Variants in RANBP2 observed in about 807,000 individuals in gnomAD.
The protein encoded by RANBP2 is RAN binding protein 2, also known as E3 SUMO-protein ligase RanBP2.
In RANBP2, 57 loss-of-function variants were observed where a neutral mutation model predicts 303.6. The ratio of observed to expected loss-of-function variants is 0.19; its 90% CI spans 0.15 to 0.23. The LOEUF (loss-of-function observed/expected upper bound fraction) is 0.23, where lower values mean the gene tolerates loss of function less well. Ranked by LOEUF, RANBP2 falls within the 10% of genes least tolerant of loss-of-function variation. RANBP2 has a pLI of 1.00. For missense variants in RANBP2, 3,138 were observed against 3,780.8 expected (o/e 0.83, Z 4.46); for synonymous variants, 1,167 against 1,301.5 (o/e 0.90, Z 2.23).
the RANBP2 span, among the ~76,000 whole-genome samples, chr2:109,703,853 T>C: frequency 6.6e-6 from 1 of 152,234 alleles, no homozygotes; most frequent in Non-Finnish European, 1.5e-5. Flanking sequence ...ACGTCCTCCC[T>C]CTGCCCAAAA....
chr2:109,438,532 T>TAC, the RANBP2 span, among the ~76,000 whole-genome samples: 2 of 152,214 alleles, frequency 1.3e-5, no homozygotes, highest in Non-Finnish European at 2.9e-5. Flanking sequence ...CCATCTCAGA[T>TAC]TCTGTAAGTC....
Position 108,753,853 on chromosome 2 carries a change from A to G in RANBP2, c.2084A>G (p.Glu695Gly), listed in dbSNP as rs148298842. ...LIFHRKAEDI[E>G]NDALSPEEQE... ...TTTCACAGGAAGGCAGAAGACATTG[A>G]AAATGATGCCCTTTCTCCTGAAGAA... Residue 695 changes from glutamate to glycine, a missense_variant, in exon 15 of 29, where the codon GAA becomes GGA. Physicochemically the swap from Glu to Gly is moderately conservative, Grantham distance 98. This residue lies in a region of RANBP2 where 194 missense variants were observed against 197.4 expected (regional missense o/e 0.98). Transcript: ENST00000283195. 2 of 1,612,032 alleles carry G rather than the reference A, an allele frequency of 1.2e-6. No individual in the cohort carries two copies. Among genetic ancestry groups the G allele is most frequent in the South Asian group, 1.1e-5 (1 of 90,992 alleles).
chr2:108,943,923 A>G, the RANBP2 span, among the ~76,000 whole-genome samples: 2 of 152,330 alleles, frequency 1.3e-5, no homozygotes, highest in East Asian at 3.9e-4. Flanking sequence ...CGTTGCTTCC[A>G]AAACAGGGAG....
At chr2:109,725,341 A>C in the RANBP2 span, among the ~76,000 whole-genome samples, 16 of 152,294 alleles carry the variant, frequency 1.1e-4, no homozygotes, top group East Asian at 3.1e-3. Flanking sequence ...TGATGCCAGA[A>C]AGTGGAGGGG....
the RANBP2 span, chr2:109,129,146 C>A: frequency 2.5e-6 from 1 of 398,174 alleles, no homozygotes; most frequent in Non-Finnish European, 4.8e-6. Flanking sequence ...GGGGACCTGG[C>A]CGGCCGCTGC....
the RANBP2 span, among the ~76,000 whole-genome samples, chr2:109,347,331 C>T: frequency 2.0e-5 from 3 of 152,122 alleles, no homozygotes; most frequent in Admixed American, 2.0e-4. Context: ...AGTCACCTTC[C>T]CTCTCTGTGC....
the RANBP2 span, chr2:109,502,203 CGGAAGGGGCA>C: frequency 1.3e-5 from 2 of 149,462 alleles, no homozygotes; most frequent in African/African-American, 4.9e-5. Context: ...GGGGGTGCCC[CGGAAGGGGCA>C]CCCCACCGCC....
the RANBP2 span, chr2:109,544,205 T>C: frequency 2.5e-6 from 4 of 1,607,390 alleles, no homozygotes; most frequent in Non-Finnish European, 2.5e-6. Flanking sequence ...TCACCAAATA[T>C]AGAAGTGATA....
chr2:109,384,307 T>C, the RANBP2 span, among the ~76,000 whole-genome samples: 1 of 152,046 alleles, frequency 6.6e-6, no homozygotes, highest in African/African-American at 2.4e-5. Flanking sequence ...GGGATTCTAC[T>C]CTCCGTGGAG....
chr2:109,252,566 C>T, the RANBP2 span, among the ~76,000 whole-genome samples: 13 of 152,122 alleles, frequency 8.5e-5, no homozygotes, highest in Non-Finnish European at 1.9e-4. Context: ...TTCAGGCAAA[C>T]TAGAATGACA....
At chr2:108,862,992 C>CT in the RANBP2 span, among the ~76,000 whole-genome samples, 1 of 152,092 alleles carries the variant, frequency 6.6e-6, no homozygotes, top group Non-Finnish European at 1.5e-5. Flanking sequence ...AAACTTTGGA[C>CT]TATACTCCAG....
At chr2:109,011,359 C>G in the RANBP2 span, among the ~76,000 whole-genome samples, 3 of 152,130 alleles carry the variant, frequency 2.0e-5, no homozygotes, top group Middle Eastern at 3.2e-3. Flanking sequence ...TCTAGGTTAG[C>G]GATCATGTTC....
the RANBP2 span, among the ~76,000 whole-genome samples, chr2:109,725,824 C>T: frequency 2.6e-5 from 4 of 151,948 alleles, no homozygotes; most frequent in African/African-American, 9.7e-5. Flanking sequence ...CCTCTGCCTC[C>T]CGGGTTCAAG....
chr2:109,464,199 C>G, the RANBP2 span, among the ~76,000 whole-genome samples: 1 of 152,232 alleles, frequency 6.6e-6, no homozygotes, highest in Admixed American at 6.5e-5. Flanking sequence ...CTGGACTGAC[C>G]TATTAAAAGA....
chr2:109,231,965 T>C, the RANBP2 span, among the ~76,000 whole-genome samples: 1 of 152,230 alleles, frequency 6.6e-6, no homozygotes, highest in Non-Finnish European at 1.5e-5. Flanking sequence ...CCACAATACA[T>C]TGTAGAATAT....
chr2:109,167,349 A>G, the RANBP2 span, among the ~76,000 whole-genome samples: 6 of 152,214 alleles, frequency 3.9e-5, no homozygotes, highest in Non-Finnish European at 8.8e-5. Flanking sequence ...TGGAACATGA[A>G]TTGAATTATT....
chr2:109,315,706 C>A, the RANBP2 span, among the ~76,000 whole-genome samples: 1 of 152,210 alleles, frequency 6.6e-6, no homozygotes, highest in Non-Finnish European at 1.5e-5. Flanking sequence ...GCTTTCCCAC[C>A]CAGGGTTCCT....
At chr2:109,362,986 AG>A in the RANBP2 span, among the ~76,000 whole-genome samples, 1 of 152,104 alleles carries the variant, frequency 6.6e-6, no homozygotes, top group East Asian at 1.9e-4. Context: ...AACAACATAT[AG>A]TTGTATCTTG....
At chr2:109,036,171 G>T in the RANBP2 span, among the ~76,000 whole-genome samples, 1 of 152,214 alleles carries the variant, frequency 6.6e-6, no homozygotes, top group African/African-American at 2.4e-5. Flanking sequence ...CAACGAGGAT[G>T]ATAGAGACAA....
Sources: gnomAD v4.1 joint callset for allele counts (sites outside exome capture counted in the v4.1 genomes callset) on GRCh38, gnomAD v4.1.1 for gene constraint, gnomAD v4.1.1 regional missense constraint, MANE v1.5 for transcripts, NCBI Gene and HGNC (gene_info 2026-07-23, HGNC 2026-07-21) for gene names.